The following NEB variants were observed in gnomAD, a reference collection of about 807,000 sequenced individuals.
NEB encodes nebulin, also known as nemaline myopathy type 2.
Under a neutral mutation model 952.2 loss-of-function variants are expected in NEB, and 512 were observed. That is an observed-to-expected ratio of 0.54 (90% CI 0.50 to 0.58). The LOEUF is 0.58. Among genes scored for constraint, NEB ranks in the 20% least tolerant of loss-of-function variants. The probability of loss-of-function intolerance (pLI) is 0.00; values close to 1 mark genes in which losing one functional copy is unlikely to be tolerated. For synonymous variants in NEB, 2,900 were observed against 3,149.8 expected, an observed-to-expected ratio of 0.92 and a Z score of 2.66; for missense variants, 8,428 against 9,231.1, an observed-to-expected ratio of 0.91 and a Z score of 3.56.
chr2:151,697,670 G>C, intron 13 of NEB, 22 bp from the exon 14 acceptor site: 1 of 1,523,362 alleles, frequency 6.6e-7, no homozygotes, highest in Non-Finnish European at 9.0e-7. Flanking sequence ...AAAAAATTCA[G>C]TTAAAGTAGA....
At position 151,485,730 on chromosome 2, in the gene NEB, C is replaced by A; in HGVS notation, c.*30G>T. On this transcript the variant is annotated 3_prime_UTR_variant, in exon 182 of 182. Transcript: ENST00000397345. ...AACATTGACTGCAGGATCTGTAAGTCCTGCAGACAAGTGTGATGCTTTGAA... is the reference window on the plus strand; with the variant it reads ...AACATTGACTGCAGGATCTGTAAGTACTGCAGACAAGTGTGATGCTTTGAA... 2 of 1,577,616 alleles carry A rather than the reference C, an allele frequency of 1.3e-6. No homozygotes were observed. Among genetic ancestry groups the A allele is most frequent in the Non-Finnish European group, 1.7e-6 (2 of 1,157,288 alleles).
chr2:151,696,506 G>A (rs980693231), intron 17 of NEB, 131 bp downstream of exon 17: 4 of 652,140 alleles, frequency 6.1e-6, no homozygotes, highest in Non-Finnish European at 1.1e-5. Context: ...TTATACAAAT[G>A]TATACTGTTT....
intron 9 of NEB, among the ~76,000 whole-genome samples, chr2:151,719,699 T>A (rs2099768930): frequency 6.6e-6 from 1 of 152,064 alleles, no homozygotes; most frequent in Non-Finnish European, 1.5e-5. Context: ...GGCAATACGG[T>A]GAAACCCTGT....
At chr2:151,678,792 T>C (rs2099392999) in intron 32 of NEB, among the ~76,000 whole-genome samples, 1 of 151,082 alleles carries the variant, frequency 6.6e-6, no homozygotes, top group East Asian at 1.9e-4. Context: ...GGAAGGTTCG[T>C]GGAAAGTTGG....
chr2:151,675,288 T>C lies in NEB; in HGVS notation c.3878A>G (p.Asp1293Gly), dbSNP rs2099350929. The change falls in exon 35 of 182, where the codon GAC becomes GGC. Residue 1293 changes from aspartate (D) to glycine (G), a missense_variant and splice_region_variant. By Grantham distance (94) the Asp-to-Gly change is moderately conservative. Transcript: ENST00000397345. ...QAKCNAYNIS[D>G]VCYKRDWYDL... ...CATCCCAGCAAAGACCCTACTTACG[T>C]CACTTATATTGTAAGCATTGCACTT... The C allele has an allele frequency of 6.4e-7, 1 of 1,564,368 alleles. No individual in the cohort carries two copies. The highest frequency in any genetic ancestry group is 2.3e-5 in the East Asian group (1 of 44,042).
intron 17 of NEB, among the ~76,000 whole-genome samples, chr2:151,695,964 C>T (rs937489670): frequency 6.6e-6 from 1 of 152,196 alleles, no homozygotes; most frequent in African/African-American, 2.4e-5. Context: ...AGAGGGGCCC[C>T]GCCCTGTCTC....
In NEB at chr2:151,535,700, C is replaced by T. The variant is rs757590200; in HGVS notation, c.21303G>A (p.Leu7101=). The change falls in exon 142 of 182, where the codon TTG becomes TTA. Residue 7101 remains leucine (L), a synonymous_variant. Coordinates refer to ENST00000397345, the MANE Select transcript of NEB (RefSeq NM_001164508.2). ...INRHFKYATQ[L]MNERKYKSSA... ...GTTTATTCATACATACCTCATTCAT[C>T]AATTGAGTTGCATACTTGAAATGCC... is the stretch of plus-strand genomic sequence containing the variant. 1 of 1,600,786 alleles carries T rather than the reference C, an allele frequency of 6.2e-7. No individual in the cohort carries two copies. Among genetic ancestry groups the T allele is most frequent in the South Asian group, 1.1e-5 (1 of 89,370 alleles).
chr2:151,656,520 CTA>C, intron 48 of NEB, 56 bp from the exon 49 acceptor site: 1 of 1,157,204 alleles, frequency 8.6e-7, no homozygotes, highest in Non-Finnish European at 1.2e-6. Context: ...AAAAATCGAT[CTA>C]GTGTCAATAT....
chr2:151,617,091 C>T (rs1243079905), intron 75 of NEB, among the ~76,000 whole-genome samples: 1 of 152,196 alleles, frequency 6.6e-6, no homozygotes, highest in East Asian at 1.9e-4. Flanking sequence ...TTGATACCCA[C>T]AGTGACCTGT....
At position 151,631,228 on chromosome 2, in the gene NEB, T is replaced by C. The variant is rs1209837623; in HGVS notation, c.9533A>G (p.Gln3178Arg). 1.9e-6 allele frequency: 3 copies of C among 1,613,842 alleles called. No individual in the cohort carries two copies. The highest frequency in any genetic ancestry group is 2.5e-6 in the Non-Finnish European group (3 of 1,179,872). The change falls in exon 66 of 182, where the codon CAG becomes CGG. Residue 3178 changes from glutamine to arginine, a missense_variant. By Grantham distance (43) the Gln-to-Arg change is conservative. This residue lies in a region of NEB where 1,772 missense variants were observed against 1,960.3 expected (regional missense o/e 0.90). Transcript: ENST00000397345. Reference sequence around the variant, plus strand: ...GGTAAATTTCAGCTTGTCCGGAGGCTGGCGGTAGATGTTATCACTCAGTAT... The same window carrying C: ...GGTAAATTTCAGCTTGTCCGGAGGCCGGCGGTAGATGTTATCACTCAGTAT... The part of the protein sequence containing the change: ...TEILSDNIYR[Q>R]PPDKLKFTSV...
intron 3 of NEB, among the ~76,000 whole-genome samples, chr2:151,732,839 C>T (rs575186265): frequency 1.3e-4 from 20 of 152,230 alleles, no homozygotes; most frequent in African/African-American, 3.8e-4. Context: ...GGGAAGAAAG[C>T]AGTTTTAGAA....
At chr2:151,609,240 A>T (rs1338231536) in intron 81 of NEB, among the ~76,000 whole-genome samples, 1 of 152,118 alleles carries the variant, frequency 6.6e-6, no homozygotes, top group Non-Finnish European at 1.5e-5. Flanking sequence ...TGTTAGACAT[A>T]CAAATCCTTA....
intron 72 of NEB, among the ~76,000 whole-genome samples, chr2:151,620,110 G>A (rs999795654): frequency 1.3e-5 from 2 of 151,952 alleles, no homozygotes; most frequent in Admixed American, 6.5e-5. Flanking sequence ...TGTTTACATG[G>A]ATCATTAAAA....
chr2:151,693,733 T>TG, intron 20 of NEB, among the ~76,000 whole-genome samples: 1 of 152,332 alleles, frequency 6.6e-6, no homozygotes, highest in East Asian at 1.9e-4. Context: ...TATATATTTA[T>TG]AATAGAATGA....
chr2:151,650,671 C>T lies in NEB; in HGVS notation c.7130G>A (p.Ser2377Asn), dbSNP rs1558824031. Residue 2377 changes from serine (S) to asparagine (N), a missense_variant, in exon 53 of 182, where the codon AGT (serine) becomes AAT (asparagine). Physicochemically the swap from Ser to Asn is conservative, Grantham distance 46. Around this residue, in one of 11 missense-constraint regions of NEB, gnomAD observed 1,772 missense variants for 1,960.3 expected, o/e 0.90. Transcript: ENST00000397345. ...VLAKKCQELV[S>N]DVDYKNYLHQ... ...CAGGTAGTTCTTGTAGTCCACGTCACTAACCAACTCCTGACACTTCTTGGC... is the reference window on the plus strand; with the variant it reads ...CAGGTAGTTCTTGTAGTCCACGTCATTAACCAACTCCTGACACTTCTTGGC... 9 of 1,613,886 alleles carry T rather than the reference C, an allele frequency of 5.6e-6. No individual in the cohort carries two copies. In the East Asian group the frequency reaches 1.6e-4, roughly 28 times the overall value.
In NEB at chr2:151,492,443, C is replaced by T; in HGVS notation, c.24817G>A (p.Val8273Ile). The T allele has an allele frequency of 6.2e-7, 1 of 1,613,466 alleles. No individual in the cohort carries two copies. Among genetic ancestry groups the T allele is most frequent in the Non-Finnish European group, 8.5e-7 (1 of 1,179,652 alleles). The change falls in exon 177 of 182, where the codon GTA becomes ATA. Residue 8273 changes from valine (V) to isoleucine (I), a missense_variant. This residue lies in a region of NEB where 3,374 missense variants were observed against 3,651.5 expected (regional missense o/e 0.92). Transcript: ENST00000397345. ...RKQIQGKAAY[V>I]LDTPEMRRVR... ...CGTCTCATCTCGGGGGTATCCAATA[C>T]ATAGGCAGCTTTGCCTTGTATTTGT...
chr2:151,545,150 A>G (rs1205889184), intron 135 of NEB, among the ~76,000 whole-genome samples: 1 of 152,246 alleles, frequency 6.6e-6, no homozygotes, highest in African/African-American at 2.4e-5. Context: ...ATTGTACTGA[A>G]TGGGCAGCAG....
chr2:151,515,061 CA>C (rs2076880758), intron 157 of NEB, 133 bp from the exon 158 acceptor site: 1 of 627,208 alleles, frequency 1.6e-6, no homozygotes, highest in Non-Finnish European at 2.8e-6. Context: ...AATGGTCACA[CA>C]TTTGAAACAT....
chr2:151,666,589 AG>A (rs1404576545), intron 40 of NEB, among the ~76,000 whole-genome samples, 188 bp from the exon 41 acceptor site: 1 of 152,168 alleles, frequency 6.6e-6, no homozygotes, highest in Admixed American at 6.5e-5. Flanking sequence ...CCTGCCCTGG[AG>A]ATCATTAAAA....
Sources: gnomAD v4.1 joint callset for allele counts (sites outside exome capture counted in the v4.1 genomes callset) on GRCh38, gnomAD v4.1.1 for gene constraint, gnomAD v4.1.1 regional missense constraint, MANE v1.5 for transcripts, NCBI Gene and HGNC (gene_info 2026-07-23, HGNC 2026-07-21) for gene names.